Variants in TAX1BP1 observed in about 807,000 individuals in gnomAD.
The protein encoded by TAX1BP1 is Tax1 binding protein 1.
Under a neutral mutation model 97.7 loss-of-function variants are expected in TAX1BP1, and 62 were observed. That is an observed-to-expected ratio of 0.63 (90% CI 0.52 to 0.78). TAX1BP1 has a LOEUF of 0.78. Among genes scored for constraint, TAX1BP1 ranks in the 30% least tolerant of loss-of-function variants. The pLI, the probability that TAX1BP1 is intolerant of heterozygous loss-of-function variation, is 0.00. For synonymous variants in TAX1BP1, 340 were observed against 304.2 expected (o/e 1.12, Z -1.23); for missense variants, 867 against 916.1 (o/e 0.95, Z 0.69).
chr7:27,768,943 C>CT (rs1440482392), intron 4 of TAX1BP1, among the ~76,000 whole-genome samples: 3 of 151,954 alleles, frequency 2.0e-5, no homozygotes, highest in Admixed American at 2.0e-4. Flanking sequence ...CCCTGTGAGT[C>CT]TTCATTCTTC....
chr7:27,806,532 G>A (rs1790347321), intron 13 of TAX1BP1, among the ~76,000 whole-genome samples: 1 of 152,106 alleles, frequency 6.6e-6, no homozygotes, highest in South Asian at 2.1e-4. Context: ...TCAGTGATTT[G>A]AGATACTACA....
At chr7:27,755,172 A>G (rs186638798) in intron 2 of TAX1BP1, among the ~76,000 whole-genome samples, 30 of 152,110 alleles carry the variant, frequency 2.0e-4, no homozygotes, top group Admixed American at 1.8e-3. Context: ...TACCCATTGT[A>G]CTCCTACCTT....
At chr7:27,765,233 C>T (rs1788588475) in intron 3 of TAX1BP1, among the ~76,000 whole-genome samples, 1 of 151,062 alleles carries the variant, frequency 6.6e-6, no homozygotes, top group South Asian at 2.1e-4. Flanking sequence ...CCAGGCTGGT[C>T]TCTAACTCCA....
intron 1 of TAX1BP1, among the ~76,000 whole-genome samples, chr7:27,744,193 C>T (rs1787730752): frequency 6.6e-6 from 1 of 152,192 alleles, no homozygotes; most frequent in South Asian, 2.1e-4. Flanking sequence ...GGCGTGATCT[C>T]AGCTCACTGC....
rs200269834 is a variant in TAX1BP1, at chr7:27,772,066, A to G, written c.612+2232A>G. On this transcript the variant is annotated intron_variant, in intron 5 of 16. Coordinates refer to ENST00000396319, the MANE Select transcript of TAX1BP1 (RefSeq NM_006024.7). ...AAAAACCCTCTAAGTTATAAGACAT[A>G]TGTGGTGACAATTGTTTATTTCTGG... The G allele has an allele frequency of 1.6e-4, 25 of 152,142 alleles. No homozygotes were observed. The East Asian group carries it at 4.4e-3, about 27-fold the overall frequency. The allele number at this position is 152,142 out of a possible 1,614,324, so 9.4% of individuals were successfully genotyped here. A position where few individuals can be genotyped will look rare whatever the true frequency, so the allele number is the denominator to read the frequency against.
At chr7:27,748,896 C>A (rs755577203) in intron 2 of TAX1BP1, among the ~76,000 whole-genome samples, 2 of 152,164 alleles carry the variant, frequency 1.3e-5, no homozygotes, top group Non-Finnish European at 2.9e-5. Context: ...AGAAAGTTTA[C>A]CTTCACTTAA....
chr7:27,805,251 T>C (rs1198915321), intron 13 of TAX1BP1, among the ~76,000 whole-genome samples: 1 of 152,266 alleles, frequency 6.6e-6, no homozygotes, highest in East Asian at 1.9e-4. Context: ...TTTGCATCTC[T>C]ATTATGAGCA....
intron 8 of TAX1BP1, among the ~76,000 whole-genome samples, chr7:27,788,132 C>A (rs1789560760): frequency 6.6e-6 from 1 of 151,980 alleles, no homozygotes; most frequent in Non-Finnish European, 1.5e-5. Flanking sequence ...TTGGAGAAGA[C>A]AGGCTAGTCT....
At chr7:27,815,793 T>C (rs1032199246) in intron 13 of TAX1BP1, among the ~76,000 whole-genome samples, 14 of 152,264 alleles carry the variant, frequency 9.2e-5, no homozygotes, top group Admixed American at 2.0e-4. Context: ...CCCAGCACTT[T>C]GGGAGGCTGA....
intron 2 of TAX1BP1, 100 bp from the exon 3 acceptor site, chr7:27,757,931 A>G (rs573697288): frequency 2.4e-4 from 145 of 610,260 alleles, no homozygotes; most frequent in African/African-American, 2.3e-3. Flanking sequence ...TATTAAATGT[A>G]TATTTTAACT....
Position 27,825,960 on chromosome 7 carries a change from AT to A in TAX1BP1, c.2086-1769del, listed in dbSNP as rs562102853. Among the ~76,000 whole-genome samples, 488 of 151,356 alleles carry A rather than the reference AT, an allele frequency of 3.2e-3. 5 individuals are homozygous for A. Among genetic ancestry groups the A allele is most frequent in the African/African-American group, 0.011 (465 of 41,232 alleles). On this transcript the variant is annotated intron_variant, in intron 15 of 16. Transcript: ENST00000396319. Reference sequence around the variant, plus strand: ...TTTCTTCAGCATTTCAATATTTTGGATTTTTTTTTCAAAGATGAGTGAGAAA... The same window carrying A: ...TTTCTTCAGCATTTCAATATTTTGGATTTTTTTTCAAAGATGAGTGAGAAA...
rs755669219 is a variant in TAX1BP1, at chr7:27,769,746, C to G, written c.524C>G (p.Thr175Arg). ...LKLIAVLEKE[T>R]AQLREQVGRM... Reference sequence around the variant, plus strand: ...TTAATTGCCGTTCTGGAAAAAGAAACAGCACAACTTCGAGAACAAGTTGGG... The same window carrying G: ...TTAATTGCCGTTCTGGAAAAAGAAAGAGCACAACTTCGAGAACAAGTTGGG... Residue 175 changes from threonine (T) to arginine (R), a missense_variant, in exon 5 of 17, where the codon ACA (threonine) becomes AGA (arginine). This residue lies in a region of TAX1BP1 where 822 missense variants were observed against 851.4 expected (regional missense o/e 0.97). Coordinates refer to ENST00000396319, the MANE Select transcript of TAX1BP1 (RefSeq NM_006024.7). 2 of 1,612,458 alleles carry G rather than the reference C, an allele frequency of 1.2e-6. No individual in the cohort carries two copies. Among genetic ancestry groups the G allele is most frequent in the Admixed American group, 3.3e-5 (2 of 59,930 alleles).
intron 15 of TAX1BP1, among the ~76,000 whole-genome samples, chr7:27,818,613 T>C (rs1324719525): frequency 6.6e-6 from 1 of 152,178 alleles, no homozygotes. Context: ...TCTCCTCTCT[T>C]CTGCACCAGA....
intron 13 of TAX1BP1, among the ~76,000 whole-genome samples, chr7:27,812,596 C>T (rs1790600423): frequency 6.6e-6 from 1 of 151,904 alleles, no homozygotes; most frequent in Non-Finnish European, 1.5e-5. Context: ...TTTTTTTCTT[C>T]CAAAAGGTTT....
chr7:27,776,486 GT>G (rs1483420493), intron 5 of TAX1BP1, among the ~76,000 whole-genome samples: 1 of 151,998 alleles, frequency 6.6e-6, no homozygotes, highest in Non-Finnish European at 1.5e-5. Flanking sequence ...CACGTTTATT[GT>G]TTTTGATGAG....
intron 15 of TAX1BP1, among the ~76,000 whole-genome samples, chr7:27,817,944 A>T (rs1790841239): frequency 6.6e-6 from 1 of 152,180 alleles, no homozygotes. Context: ...CTCAACACCC[A>T]TAATGGAGAA....
chr7:27,768,510 A>C (rs77565708), intron 4 of TAX1BP1, among the ~76,000 whole-genome samples: 2 of 151,898 alleles, frequency 1.3e-5, no homozygotes, highest in Non-Finnish European at 2.9e-5. Context: ...TATAAAGTCT[A>C]TGTTGTGCTA....
At chr7:27,742,187 C>T (rs886842215) in intron 1 of TAX1BP1, among the ~76,000 whole-genome samples, 3 of 152,184 alleles carry the variant, frequency 2.0e-5, no homozygotes, top group African/African-American at 7.2e-5. Flanking sequence ...TAATCCTCCT[C>T]AGCACAGACC....
intron 5 of TAX1BP1, among the ~76,000 whole-genome samples, chr7:27,771,504 G>A (rs557333938): frequency 6.6e-6 from 1 of 151,958 alleles, no homozygotes; most frequent in Admixed American, 6.6e-5. Flanking sequence ...CACACATCGG[G>A]CCATTTCTCT....
Sources: allele counts gnomAD v4.1 joint callset (sites outside exome capture counted in the v4.1 genomes callset), GRCh38; gene constraint gnomAD v4.1.1; regional missense constraint gnomAD v4.1.1; transcripts MANE v1.5; gene names NCBI Gene and HGNC (gene_info 2026-07-23, HGNC 2026-07-21).